ELF1: variants seen among roughly 807,000 people sequenced by gnomAD.
The protein encoded by ELF1 is E74 like ETS transcription factor 1.
A neutral mutation model predicts 59.9 loss-of-function variants in ELF1; 24 were observed. The ratio of observed to expected loss-of-function variants is 0.40; its 90% CI spans 0.29 to 0.56. The LOEUF (loss-of-function observed/expected upper bound fraction) is 0.56. Ranked by LOEUF, ELF1 falls within the 20% of genes least tolerant of loss-of-function variation. The pLI is 0.44. For synonymous variants in ELF1, 248 were observed against 266.2 expected (o/e 0.93, Z 0.67); for missense variants, 627 against 742.2 (o/e 0.84, Z 1.80).
intron 1 of ELF1, among the ~76,000 whole-genome samples, chr13:41,009,505 G>A (rs1402939894): frequency 6.6e-6 from 1 of 152,122 alleles, no homozygotes; most frequent in Non-Finnish European, 1.5e-5. Flanking sequence ...TACCTGCATG[G>A]ACATTTAACA....
At chr13:41,052,917 CAT>C (rs1290041047) in intron 1 of ELF1, among the ~76,000 whole-genome samples, 2 of 152,120 alleles carry the variant, frequency 1.3e-5, no homozygotes, top group Non-Finnish European at 2.9e-5. Context: ...GAATGTGAGA[CAT>C]ATGTGTTAGC....
intron 1 of ELF1, among the ~76,000 whole-genome samples, chr13:41,042,694 AATCCAGTC>A (rs1301652535): frequency 6.6e-6 from 1 of 152,074 alleles, no homozygotes; most frequent in East Asian, 1.9e-4. Context: ...ACATTTTCTT[AATCCAGTC>A]TATCATTGAT....
intron 2 of ELF1, among the ~76,000 whole-genome samples, chr13:40,975,955 G>GA (rs1872880712): frequency 1.3e-5 from 2 of 152,148 alleles, no homozygotes; most frequent in African/African-American, 2.4e-5. Context: ...TAACACATTT[G>GA]AAAAAATTAG....
chr13:41,043,109 G>A (rs1229489492), intron 1 of ELF1, among the ~76,000 whole-genome samples: 1 of 152,212 alleles, frequency 6.6e-6, no homozygotes, highest in Non-Finnish European at 1.5e-5. Flanking sequence ...CTTCTTTTGA[G>A]AAGTGTCTGC....
chr13:41,016,494 TTAAGA>T (rs1875371755), intron 1 of ELF1, among the ~76,000 whole-genome samples: 2 of 152,254 alleles, frequency 1.3e-5, no homozygotes, highest in East Asian at 1.9e-4. Flanking sequence ...AAGGTCAAAT[TTAAGA>T]TAAGTGTAAT....
intron 1 of ELF1, chr13:40,993,352 T>C (rs1383357783): frequency 3.3e-6 from 4 of 1,226,810 alleles, no homozygotes; most frequent in Admixed American, 1.7e-5. Flanking sequence ...AAGACCCAAT[T>C]AGCCAGTTGC....
chr13:41,031,074 G>A (rs947258599), intron 1 of ELF1, among the ~76,000 whole-genome samples: 9 of 151,534 alleles, frequency 5.9e-5, no homozygotes, highest in African/African-American at 1.7e-4. Context: ...AAGGTGGGAG[G>A]ATTGAAGCCA....
At chr13:40,994,249 C>T (rs1421118797) in intron 1 of ELF1, among the ~76,000 whole-genome samples, 2 of 152,218 alleles carry the variant, frequency 1.3e-5, no homozygotes, top group African/African-American at 4.8e-5. Flanking sequence ...CCCTGCAGAA[C>T]AGCCAAACAG....
intron 1 of ELF1, among the ~76,000 whole-genome samples, chr13:41,035,290 G>A (rs1029123291): frequency 2.6e-5 from 4 of 152,106 alleles, no homozygotes; most frequent in Admixed American, 6.6e-5. Context: ...TTGTTTACAC[G>A]CCTCATTGGT....
chr13:41,051,755 T>C lies in ELF1; in HGVS notation c.-229+9083A>G, dbSNP rs192749043. ...ACTAGGCTAGGCACCTTCCCACAAATTTAAAATAAAGCACAAAAATGTTTT... is the reference window on the plus strand; with the variant it reads ...ACTAGGCTAGGCACCTTCCCACAAACTTAAAATAAAGCACAAAAATGTTTT... On this transcript the variant is annotated intron_variant, in intron 1 of 1. Transcript: ENST00000405737. Among the ~76,000 whole-genome samples, 560 of 152,178 alleles carry C rather than the reference T, an allele frequency of 3.7e-3. 7 individuals carry two copies. Among genetic ancestry groups the C allele is most frequent in the African/African-American group, 0.011 (476 of 41,524 alleles).
intron 1 of ELF1, among the ~76,000 whole-genome samples, chr13:41,060,321 C>T (rs1476653054): frequency 6.6e-6 from 1 of 152,330 alleles, no homozygotes; most frequent in Admixed American, 6.5e-5. Flanking sequence ...GGGGTCAGCC[C>T]GTCCTGCATA....
At chr13:41,016,192 C>A (rs1002154344) in intron 1 of ELF1, among the ~76,000 whole-genome samples, 4 of 152,164 alleles carry the variant, frequency 2.6e-5, no homozygotes, top group Non-Finnish European at 4.4e-5. Flanking sequence ...GAAGATAAAG[C>A]CCATGTTCCT....
rs182034016 is a variant in ELF1, at chr13:40,978,238, C to G, written c.72+3745G>C. The stretch of plus-strand genomic sequence containing the variant: ...ACTAAAAATACAAAAATTAGCTGGG[C>G]GTGGTGGTGCGTGTCTGTAGTCCCA... On this transcript the variant is annotated intron_variant, in intron 2 of 8. Coordinates refer to ENST00000239882, the MANE Select transcript of ELF1 (RefSeq NM_172373.4). Among the ~76,000 whole-genome samples, 777 of 151,886 alleles carry G rather than the reference C, an allele frequency of 5.1e-3. 9 individuals are homozygous for G. The highest frequency in any genetic ancestry group is 0.018 in the African/African-American group (748 of 41,428).
rs1164306892 is a variant in ELF1, at chr13:41,016,914, C to CAAAAAA, written c.-229+2308_-229+2313dup. On this transcript the variant is annotated intron_variant, in intron 1 of 8. Transcript: ENST00000239882. ...GGGCAACAAGAGTGAAACTCCGTCT[C>CAAAAAA]AAAAAAAAAAAAAAAAAAAAAAAAA... 3.1e-4 allele frequency among the ~76,000 whole-genome samples: 4 copies of CAAAAAA among 12,908 alleles called. 1 individual carries two copies. Among genetic ancestry groups the CAAAAAA allele is most frequent in the Non-Finnish European group, 4.3e-4 (3 of 7,058 alleles). The allele number at this position is 12,908 out of a possible 152,430, so 8.5% of individuals were successfully genotyped here.
Position 40,949,676 on chromosome 13 carries a change from ATT to A in ELF1, c.529+128_529+129del, listed in dbSNP as rs138874876. On this transcript the variant is annotated intron_variant, in intron 5 of 8. Transcript: ENST00000239882. ...GGCCAAGAAATAACTCATAATTTCCATTTTGTGCCTTCAATGTTTTTCTTACA... is the reference window on the plus strand; with the variant it reads ...GGCCAAGAAATAACTCATAATTTCCATTGTGCCTTCAATGTTTTTCTTACA... 2.1e-3 allele frequency: 2,462 copies of A among 1,171,306 alleles called. 48 individuals carry two copies. In the African/African-American group the frequency reaches 0.034, roughly 16 times the overall value. 72.6% of individuals were successfully genotyped at this position (1,171,306 alleles called of 1,614,324 possible).
rs1047141288 is a variant in ELF1 at position 40,951,570 on chromosome 13, AC to A, written c.254-135del. 7.3e-6 allele frequency: 4 copies of A among 546,252 alleles called. No individual in the cohort carries two copies. In the African/African-American group the frequency reaches 7.8e-5, roughly 11 times the overall value. The allele number at this position is 546,252 out of a possible 1,614,324, so 33.8% of individuals were successfully genotyped here. On this transcript the variant is annotated intron_variant, in intron 3 of 8. Transcript: ENST00000239882. ...TTATATATATATATAAACTATAAAC[AC>A]ACAAAATCATACCAAACCTGGCTGG...
chr13:41,000,615 G>A (rs9594475), intron 1 of ELF1, among the ~76,000 whole-genome samples: 27,611 of 151,842 alleles, frequency 0.18, 2,688 homozygotes, highest in African/African-American at 0.22. Context: ...TAGATGTAAT[G>A]GGCACTTACT....
At chr13:40,952,603 C>G (rs1870926170) in intron 3 of ELF1, among the ~76,000 whole-genome samples, 1 of 152,110 alleles carries the variant, frequency 6.6e-6, no homozygotes, top group South Asian at 2.1e-4. Flanking sequence ...CTGAATTCCT[C>G]AAGCCAGGCC....
intron 2 of ELF1, among the ~76,000 whole-genome samples, 175 bp from the exon 3 acceptor site, chr13:40,959,191 A>G (rs890005441): frequency 2.0e-5 from 3 of 152,166 alleles, no homozygotes; most frequent in Non-Finnish European, 4.4e-5. Context: ...CAACCAAATA[A>G]TGGCATTAAA....
Sources: allele counts gnomAD v4.1 joint callset (sites outside exome capture counted in the v4.1 genomes callset), GRCh38; gene constraint gnomAD v4.1.1; transcripts MANE v1.5; gene names NCBI Gene and HGNC (gene_info 2026-07-23, HGNC 2026-07-21).